The following SLC25A28 variants were observed in gnomAD, a reference collection of about 807,000 sequenced individuals.
The protein encoded by SLC25A28 is solute carrier family 25 member 28, also known as mitoferrin-2.
In SLC25A28, 10 loss-of-function variants were observed where a neutral mutation model predicts 31.9. The ratio of observed to expected loss-of-function variants is 0.31; its 90% CI spans 0.19 to 0.53. The LOEUF is 0.53. Among genes scored for constraint, SLC25A28 ranks in the 20% least tolerant of loss-of-function variants. SLC25A28 has a pLI of 0.95. For missense variants in SLC25A28, 256 were observed against 490.3 expected, an observed-to-expected ratio of 0.52 and a Z score of 4.51; for synonymous variants, 208 against 203.6, an observed-to-expected ratio of 1.02 and a Z score of -0.19.
chr10:99,655,442 A>T, the SLC25A28 span, among the ~76,000 whole-genome samples: 1 of 152,214 alleles, frequency 6.6e-6, no homozygotes, highest in Non-Finnish European at 1.5e-5. Context: ...AGTACTATTT[A>T]AAAAATAGGT....
the SLC25A28 span, among the ~76,000 whole-genome samples, chr10:99,627,810 A>C: frequency 6.6e-6 from 1 of 152,130 alleles, no homozygotes; most frequent in South Asian, 2.1e-4. Flanking sequence ...TTGCTATCAA[A>C]CAGTAGGTCT....
intron 1 of SLC25A28, 127 bp downstream of exon 1, chr10:99,619,918 G>T: frequency 1.1e-6 from 1 of 948,372 alleles, no homozygotes; most frequent in Non-Finnish European, 1.5e-6. Flanking sequence ...TTCGAATCAT[G>T]TGGTAGTGGC....
At position 99,611,071 on chromosome 10, in the gene SLC25A28, G is replaced by A. The variant is rs201301753; in HGVS notation, c.873C>T (p.Thr291=). The A allele has an allele frequency of 2.5e-4, 401 of 1,614,060 alleles. 1 individual carries two copies. Among genetic ancestry groups the A allele is most frequent in the Admixed American group, 1.7e-4 (10 of 60,002 alleles). The change falls in exon 4 of 4, where the codon ACC becomes ACT. Residue 291 remains threonine, a synonymous_variant. Transcript: ENST00000370495. This position sits in a 1 kb window ranked among gnomAD's most constrained non-coding sequence, Gnocchi z 5.5. The part of the protein sequence containing the change: ...PLDVCKTLLN[T]QESLALNSHI... ...GTGAGTTCAAAGCCAAGGACTCCTG[G>A]GTGTTGAGCAGTGTTTTGCAAACGT...
chr10:99,633,702 G>C, the SLC25A28 span, among the ~76,000 whole-genome samples: 1 of 148,864 alleles, frequency 6.7e-6, no homozygotes, highest in African/African-American at 2.5e-5. Flanking sequence ...GCAGACCTAT[G>C]AGCCTTCCCT....
rs969563712 is a variant in SLC25A28, at chr10:99,613,607, C to T, written c.520+89G>A. 1.3e-6 allele frequency: 2 copies of T among 1,594,356 alleles called. No individual in the cohort carries two copies. Among genetic ancestry groups the T allele is most frequent in the African/African-American group, 2.7e-5 (2 of 74,746 alleles). ...CCTATCCCAGCCCAAAGCTTCAGCT[C>T]CAAACCATGCTGAGACTGGAAAGCA... On this transcript the variant is annotated intron_variant, in intron 2 of 3. Coordinates refer to ENST00000370495, the MANE Select transcript of SLC25A28 (RefSeq NM_031212.4). The surrounding 1 kb of genome is among the most constrained non-coding windows in gnomAD (Gnocchi z 4.9).
chr10:99,610,967 C>T lies in SLC25A28; in HGVS notation c.977G>A (p.Arg326Gln). Residue 326 changes from arginine (R) to glutamine (Q), a missense_variant, in exon 4 of 4, where the codon CGA becomes CAA. By Grantham distance (43) the Arg-to-Gln change is conservative. Coordinates refer to ENST00000370495, the MANE Select transcript of SLC25A28 (RefSeq NM_031212.4). ...YQVGGVTAYF[R>Q]GVQARVIYQI... ...GTAAATTACTCTGGCCTGCACCCCTCGGAAATAGGCGGTCACCCCACCTAC... is the reference window on the plus strand; with the variant it reads ...GTAAATTACTCTGGCCTGCACCCCTTGGAAATAGGCGGTCACCCCACCTAC... 6 of 1,614,198 alleles carry T rather than the reference C, an allele frequency of 3.7e-6. No homozygotes were observed. The highest frequency in any genetic ancestry group is 4.2e-6 in the Non-Finnish European group (5 of 1,180,038).
upstream of SLC25A28, among the ~76,000 whole-genome samples, chr10:99,623,774 ACT>A (rs561901613): frequency 5.0e-4 from 76 of 152,170 alleles, no homozygotes; most frequent in African/African-American, 1.6e-3. Flanking sequence ...AATGGTGGAG[ACT>A]CTGTCAGCCT....
the SLC25A28 span, among the ~76,000 whole-genome samples, chr10:99,639,248 C>T: frequency 1.3e-5 from 2 of 151,478 alleles, no homozygotes; most frequent in Non-Finnish European, 2.9e-5. Flanking sequence ...GAAAACCAAA[C>T]ATTGTATCTT....
the SLC25A28 span, among the ~76,000 whole-genome samples, chr10:99,639,722 TACAC>T: frequency 4.3e-4 from 57 of 131,120 alleles, no homozygotes; most frequent in South Asian, 1.9e-3. Context: ...GCACCATGGG[TACAC>T]ACACACACAC....
At position 99,613,874 on chromosome 10, in the gene SLC25A28, C is replaced by A. The variant is rs753846259; in HGVS notation, c.342G>T (p.Val114=). Residue 114 remains valine, a synonymous_variant, in exon 2 of 4, where the codon GTG becomes GTT. Transcript: ENST00000370495. The surrounding 1 kb of genome is among the most constrained non-coding windows in gnomAD (Gnocchi z 4.9). ...TTATAATCCTCCAGAGGGCCTCCAA[C>A]ACATTGCGATAGCGGGCAGCTGGGT... ...QPDPAARYRN[V]LEALWRIIRT... is the part of the protein sequence containing the mutation. The A allele has an allele frequency of 6.8e-6, 11 of 1,613,840 alleles. No individual in the cohort carries two copies. In the Admixed American group the frequency reaches 1.2e-4, roughly 17 times the overall value.
chr10:99,618,616 C>A lies in SLC25A28; in HGVS notation c.291+1429G>T, dbSNP rs1351079995. ...CTCTCATGGATTTTACAGTTTATTT[C>A]TATTTCTCCCAATTGACAAGGACAT... On this transcript the variant is annotated intron_variant, in intron 1 of 3. Transcript: ENST00000370495. The A allele has an allele frequency of 4.1e-6, 4 of 985,252 alleles. No homozygotes were observed. In the Admixed American group the frequency reaches 2.5e-4, roughly 61 times the overall value. 61.0% of individuals were successfully genotyped at this position (985,252 alleles called of 1,614,324 possible).
At chr10:99,628,384 G>A in the SLC25A28 span, among the ~76,000 whole-genome samples, 1 of 152,226 alleles carries the variant, frequency 6.6e-6, no homozygotes. Context: ...ATGCCATCAA[G>A]TAAAAGGAAA....
chr10:99,636,985 C>CA, the SLC25A28 span, among the ~76,000 whole-genome samples: 1 of 151,896 alleles, frequency 6.6e-6, no homozygotes, highest in East Asian at 1.9e-4. Flanking sequence ...AGGATGTAAC[C>CA]AAAAAAGAAA....
At chr10:99,650,596 C>G in the SLC25A28 span, among the ~76,000 whole-genome samples, 1 of 151,888 alleles carries the variant, frequency 6.6e-6, no homozygotes, top group Non-Finnish European at 1.5e-5. Flanking sequence ...TCCAGGCAAG[C>G]AGTGTGAGCA....
upstream of SLC25A28, chr10:99,621,036 G>A (rs751740958): frequency 4.7e-5 from 45 of 956,796 alleles, no homozygotes; most frequent in Admixed American, 1.8e-4. Context: ...GCGGGATCTC[G>A]TCGCGGGCGT....
chr10:99,637,725 G>A, the SLC25A28 span, among the ~76,000 whole-genome samples: 1 of 151,982 alleles, frequency 6.6e-6, no homozygotes, highest in East Asian at 1.9e-4. Context: ...AAAAACTTAG[G>A]AATACACCTA....
the SLC25A28 span, among the ~76,000 whole-genome samples, chr10:99,637,780 G>A: frequency 6.6e-6 from 1 of 152,100 alleles, no homozygotes; most frequent in Non-Finnish European, 1.5e-5. Context: ...ACAAAACACT[G>A]CTGAAATAAA....
chr10:99,611,977 G>T lies in SLC25A28; in HGVS notation c.577+566C>A, dbSNP rs2034533398. ...TCTTTCCACCCCATGGCCTTGCCCA[G>T]ACAGAAAATGAACGTGGCAACAATG... On this transcript the variant is annotated intron_variant, in intron 3 of 3. Transcript: ENST00000370495. The surrounding 1 kb of genome is among the most constrained non-coding windows in gnomAD (Gnocchi z 5.5). Among the ~76,000 whole-genome samples, 1 of 152,186 alleles carries T rather than the reference G, an allele frequency of 6.6e-6. No homozygotes were observed. The highest frequency in any genetic ancestry group is 2.1e-4 in the South Asian group (1 of 4,832).
At chr10:99,631,106 T>A in the SLC25A28 span, among the ~76,000 whole-genome samples, 1 of 152,126 alleles carries the variant, frequency 6.6e-6, no homozygotes, top group Admixed American at 6.5e-5. Context: ...GAAGCATGTC[T>A]GAGTCCTAGG....
Sources: gnomAD v4.1 joint callset for allele counts (sites outside exome capture counted in the v4.1 genomes callset) on GRCh38, gnomAD v4.1.1 for gene constraint, Gnocchi (gnomAD v3.1) non-coding constraint, MANE v1.5 for transcripts, NCBI Gene and HGNC (gene_info 2026-07-23, HGNC 2026-07-21) for gene names.